The following CACNA2D3 variants were observed in gnomAD, a reference collection of about 807,000 sequenced individuals.
CACNA2D3 encodes the protein calcium voltage-gated channel auxiliary subunit alpha2delta 3, also known as voltage-dependent calcium channel subunit alpha-2/delta-3.
A neutral mutation model predicts 160.6 loss-of-function variants in CACNA2D3; 60 were observed. That is an observed-to-expected ratio of 0.37 (90% CI 0.30 to 0.46). The LOEUF (loss-of-function observed/expected upper bound fraction) is 0.46. Among genes scored for constraint, CACNA2D3 ranks in the 20% least tolerant of loss-of-function variants. The probability of loss-of-function intolerance (pLI) is 1.00; values close to 1 mark genes in which losing one functional copy is unlikely to be tolerated. For synonymous variants in CACNA2D3, 558 were observed against 492.9 expected, an observed-to-expected ratio of 1.13 and a Z score of -1.75; for missense variants, 1,205 against 1,365.0, an observed-to-expected ratio of 0.88 and a Z score of 1.85.
At chr3:54,918,336 T>TTTC (rs1700720125) in intron 27 of CACNA2D3, 7 of 126,306 alleles carry the variant, frequency 5.5e-5, no homozygotes, top group Admixed American at 4.1e-4. Flanking sequence ...TTTTTTCTTT[T>TTTC]TTTTTTTTTT....
intron 27 of CACNA2D3, among the ~76,000 whole-genome samples, chr3:54,965,132 C>G (rs1283105264): frequency 6.6e-6 from 1 of 152,204 alleles, no homozygotes; most frequent in African/African-American, 2.4e-5. Context: ...CTACTCAGCT[C>G]TGCTATTGGA....
At chr3:54,527,449 T>C (rs1170870302) in intron 5 of CACNA2D3, among the ~76,000 whole-genome samples, 1 of 152,182 alleles carries the variant, frequency 6.6e-6, no homozygotes, top group East Asian at 1.9e-4. Context: ...CATGTATGTT[T>C]AGAAGTTGAG....
intron 4 of CACNA2D3, among the ~76,000 whole-genome samples, chr3:54,492,761 C>G (rs1388711758): frequency 1.3e-5 from 2 of 152,318 alleles, no homozygotes; most frequent in African/African-American, 2.4e-5. Flanking sequence ...TTAAACTCAG[C>G]TCTCCCTGTA....
At chr3:54,815,526 G>T (rs1703429596) in intron 13 of CACNA2D3, among the ~76,000 whole-genome samples, 1 of 152,160 alleles carries the variant, frequency 6.6e-6, no homozygotes, top group South Asian at 2.1e-4. Flanking sequence ...GTCTCATTTA[G>T]TTGCTTTGCA....
chr3:54,638,555 G>A (rs2106838686), intron 10 of CACNA2D3: 1 of 151,942 alleles, frequency 6.6e-6, no homozygotes. Flanking sequence ...GAAGGGAGAG[G>A]TCAGATGGGT....
At chr3:54,461,590 A>G (rs6445665) in intron 4 of CACNA2D3, among the ~76,000 whole-genome samples, 150,397 of 151,648 alleles carry the variant, frequency 0.99, 74,597 homozygotes, top group Middle Eastern at 1. Context: ...TTCTCTCATG[A>G]TAGTTTGTAT....
intron 31 of CACNA2D3, among the ~76,000 whole-genome samples, chr3:54,999,204 A>C (rs949498529): frequency 6.6e-6 from 1 of 152,186 alleles, no homozygotes; most frequent in Non-Finnish European, 1.5e-5. Context: ...ATGATGACTG[A>C]TACGAGCAGG....
Position 54,351,466 on chromosome 3 carries a change from A to G in CACNA2D3, c.321+30908A>G, listed in dbSNP as rs188326423. ...ATAAAGTGTTTGTGTTCTCTGCTCA[A>G]AGCCCTTCATCTAACTCTTGTTCTC... On this transcript the variant is annotated intron_variant, in intron 3 of 37. Coordinates refer to ENST00000474759, the MANE Select transcript of CACNA2D3 (RefSeq NM_018398.3). 5.9e-5 allele frequency among the ~76,000 whole-genome samples: 9 copies of G among 152,268 alleles called. No individual in the cohort carries two copies. The East Asian group carries it at 1.4e-3, about 23-fold the overall frequency.
At chr3:54,803,971 G>A (rs2106678992) in intron 13 of CACNA2D3, among the ~76,000 whole-genome samples, 1 of 152,076 alleles carries the variant, frequency 6.6e-6, no homozygotes, top group East Asian at 1.9e-4. Flanking sequence ...CAGAAGTGAA[G>A]GAGAAATAAA....
At chr3:54,419,313 T>C (rs918316358) in intron 4 of CACNA2D3, among the ~76,000 whole-genome samples, 3 of 152,196 alleles carry the variant, frequency 2.0e-5, no homozygotes, top group Admixed American at 2.0e-4. Flanking sequence ...CCCATCTTAC[T>C]AGTCAGAGAG....
intron 29 of CACNA2D3, among the ~76,000 whole-genome samples, chr3:54,976,941 A>T (rs1702403351): frequency 6.6e-6 from 1 of 152,218 alleles, no homozygotes; most frequent in South Asian, 2.1e-4. Context: ...AAAAAGAACC[A>T]AATGTTTACA....
In CACNA2D3 at chr3:54,320,473, T is replaced by TA; in HGVS notation, c.237dup (p.Glu80ArgfsTer4). ...AAAGAGTATGAGAAAGACGTTGCCA[T>TA]AGAAGAAATTGATGGCCTCCAACTG... On this transcript the variant is annotated frameshift_variant, in exon 3 of 38. Transcript: ENST00000474759. LOFTEE classifies it high-confidence loss of function. The TA allele has an allele frequency of 6.4e-7, 1 of 1,561,082 alleles. No homozygotes were observed. The highest frequency in any genetic ancestry group is 8.7e-7 in the Non-Finnish European group (1 of 1,151,246).
intron 13 of CACNA2D3, among the ~76,000 whole-genome samples, chr3:54,775,916 TCTTC>T (rs1161861939): frequency 6.6e-6 from 1 of 152,176 alleles, no homozygotes; most frequent in Non-Finnish European, 1.5e-5. Context: ...TTTTGTTCTT[TCTTC>T]CTTCTTCCTT....
At chr3:54,818,075 G>A (rs889583279) in intron 14 of CACNA2D3, among the ~76,000 whole-genome samples, 1 of 152,170 alleles carries the variant, frequency 6.6e-6, no homozygotes, top group Non-Finnish European at 1.5e-5. Flanking sequence ...GCCTAAAAAT[G>A]GACCAGCTTC....
At chr3:54,486,924 C>T (rs1277206326) in intron 4 of CACNA2D3, among the ~76,000 whole-genome samples, 1 of 152,194 alleles carries the variant, frequency 6.6e-6, no homozygotes, top group Non-Finnish European at 1.5e-5. Flanking sequence ...TTGCCTGTTT[C>T]TCTACCTGAC....
chr3:54,463,770 T>C (rs1015075941), intron 4 of CACNA2D3, among the ~76,000 whole-genome samples: 1 of 152,262 alleles, frequency 6.6e-6, no homozygotes, highest in Admixed American at 6.5e-5. Flanking sequence ...TTCTCTGAAC[T>C]CTTCAAAGTC....
At chr3:54,777,816 T>C (rs1452795050) in intron 13 of CACNA2D3, among the ~76,000 whole-genome samples, 4 of 152,204 alleles carry the variant, frequency 2.6e-5, no homozygotes, top group Admixed American at 2.6e-4. Flanking sequence ...GGAAACACTG[T>C]CCACACACCT....
intron 9 of CACNA2D3, among the ~76,000 whole-genome samples, chr3:54,590,922 G>T (rs1344908256): frequency 6.6e-6 from 1 of 152,172 alleles, no homozygotes; most frequent in Non-Finnish European, 1.5e-5. Context: ...AGTACTGATT[G>T]TGGTTCACTT....
At chr3:54,131,176 G>T (rs1465699885) in intron 2 of CACNA2D3, among the ~76,000 whole-genome samples, 4 of 152,210 alleles carry the variant, frequency 2.6e-5, no homozygotes, top group Non-Finnish European at 5.9e-5. Context: ...TGTACTTGGT[G>T]AATGAGCAAG....
Sources: gnomAD v4.1 joint callset for allele counts (sites outside exome capture counted in the v4.1 genomes callset) on GRCh38, gnomAD v4.1.1 for gene constraint, MANE v1.5 for transcripts, NCBI Gene and HGNC (gene_info 2026-07-23, HGNC 2026-07-21) for gene names.